The following SCD5 variants were observed in gnomAD, a reference collection of about 807,000 sequenced individuals.
The protein encoded by SCD5 is stearoyl-CoA desaturase 5.
SCD5 carries 20 observed loss-of-function variants against 30.4 expected under a neutral mutation model. The observed-to-expected ratio is 0.66, with a 90% CI of 0.46 to 0.96. The LOEUF is 0.96. Among genes scored for constraint, SCD5 ranks in the 40% least tolerant of loss-of-function variants. The pLI, the probability that SCD5 is intolerant of heterozygous loss-of-function variation, is 0.00. For synonymous variants in SCD5, 173 were observed against 176.4 expected (o/e 0.98, Z 0.16); for missense variants, 381 against 443.3 (o/e 0.86, Z 1.26).
At chr4:82,697,119 G>C (rs1719713123) in intron 2 of SCD5, among the ~76,000 whole-genome samples, 1 of 152,262 alleles carries the variant, frequency 6.6e-6, no homozygotes, top group Admixed American at 6.5e-5. Flanking sequence ...AGATCTTTAG[G>C]AAAAGAAGAC....
chr4:82,631,917 A>G (rs2148810652), intron 4 of SCD5, among the ~76,000 whole-genome samples: 1 of 152,340 alleles, frequency 6.6e-6, no homozygotes, highest in African/African-American at 2.4e-5. Context: ...AATGAGAATC[A>G]TTCAAATAGG....
At chr4:82,791,499 G>A (rs1722097821) in intron 1 of SCD5, among the ~76,000 whole-genome samples, 1 of 152,140 alleles carries the variant, frequency 6.6e-6, no homozygotes, top group Non-Finnish European at 1.5e-5. Context: ...TGGCTAGAGT[G>A]TCTCGCTCTC....
intron 1 of SCD5, among the ~76,000 whole-genome samples, chr4:82,779,154 T>C (rs535193358): frequency 6.6e-6 from 1 of 151,606 alleles, no homozygotes; most frequent in East Asian, 1.9e-4. Context: ...CGTGAGTCAC[T>C]GCGATCAGCT....
chr4:82,731,414 T>C (rs1238648963), intron 1 of SCD5, among the ~76,000 whole-genome samples: 2 of 152,214 alleles, frequency 1.3e-5, no homozygotes, highest in African/African-American at 4.8e-5. Flanking sequence ...AGGGTAACTT[T>C]CTCTGCAGCC....
chr4:82,706,829 T>C (rs887276991), intron 1 of SCD5, among the ~76,000 whole-genome samples: 1 of 152,258 alleles, frequency 6.6e-6, no homozygotes, highest in Non-Finnish European at 1.5e-5. Flanking sequence ...GCCTGCACAG[T>C]GTGTCCTAGT....
intron 3 of SCD5, among the ~76,000 whole-genome samples, chr4:82,655,175 G>A (rs758415116): frequency 2.0e-5 from 3 of 152,116 alleles, no homozygotes; most frequent in Non-Finnish European, 2.9e-5. Context: ...ATAAGCATGT[G>A]CCTTTTCTTC....
intron 2 of SCD5, 114 bp from the exon 3 acceptor site, chr4:82,681,026 CT>C: frequency 1.2e-6 from 1 of 825,178 alleles, no homozygotes; most frequent in Non-Finnish European, 1.9e-6. Context: ...TTTCACTTTC[CT>C]CCTGTCTTCA....
chr4:82,634,672 A>G (rs543707047), intron 4 of SCD5, among the ~76,000 whole-genome samples: 1 of 152,282 alleles, frequency 6.6e-6, no homozygotes, highest in Admixed American at 6.5e-5. Flanking sequence ...AGCTGGATAG[A>G]CTTATAACCA....
At chr4:82,696,335 G>C (rs1353925654) in intron 2 of SCD5, among the ~76,000 whole-genome samples, 1 of 152,180 alleles carries the variant, frequency 6.6e-6, no homozygotes, top group Non-Finnish European at 1.5e-5. Context: ...CGAGAGCGCT[G>C]GCTGGCATTA....
chr4:82,788,886 A>G (rs1722041384), intron 1 of SCD5, among the ~76,000 whole-genome samples: 1 of 152,254 alleles, frequency 6.6e-6, no homozygotes, highest in Admixed American at 6.5e-5. Context: ...ACAAGCCACC[A>G]TGGCAGAAAA....
chr4:82,757,903 T>C (rs896583918), intron 1 of SCD5, among the ~76,000 whole-genome samples: 3 of 152,190 alleles, frequency 2.0e-5, no homozygotes, highest in East Asian at 1.9e-4. Context: ...TCAAACACTT[T>C]TGCAGTGCAG....
At position 82,798,683 on chromosome 4, in the gene SCD5, C is replaced by A; in HGVS notation, c.-146G>T. On this transcript the variant is annotated 5_prime_UTR_variant, in exon 1 of 5. Coordinates refer to ENST00000319540, the MANE Select transcript of SCD5 (RefSeq NM_001037582.3). The stretch of plus-strand genomic sequence containing the variant: ...CCCTCCTTCCAGCCCTTCTCCCGGG[C>A]TCCTGCGCTCTTCCCCAGGGTCTTA... 1.4e-6 allele frequency: 1 copy of A among 690,010 alleles called. No individual in the cohort carries two copies. Among genetic ancestry groups the A allele is most frequent in the Non-Finnish European group, 2.4e-6 (1 of 424,190 alleles). The allele number at this position is 690,010 out of a possible 1,614,324, so 42.7% of individuals were successfully genotyped here.
At chr4:82,664,475 AAAGT>A (rs1270703941) in intron 3 of SCD5, among the ~76,000 whole-genome samples, 4 of 152,252 alleles carry the variant, frequency 2.6e-5, no homozygotes. Flanking sequence ...GTCCAGAGAT[AAAGT>A]AATTAATAGA....
At chr4:82,769,265 G>GA (rs1721564454) in intron 1 of SCD5, among the ~76,000 whole-genome samples, 1 of 152,160 alleles carries the variant, frequency 6.6e-6, no homozygotes, top group African/African-American at 2.4e-5. Context: ...TAACTATAAA[G>GA]TGGGGCTAGA....
intron 1 of SCD5, among the ~76,000 whole-genome samples, chr4:82,708,996 A>G (rs1213078236): frequency 1.3e-5 from 2 of 152,094 alleles, no homozygotes; most frequent in Non-Finnish European, 1.5e-5. Context: ...ACTCACCACA[A>G]GTGTAGGGGG....
At chr4:82,763,601 A>G (rs542997953) in intron 1 of SCD5, among the ~76,000 whole-genome samples, 4 of 152,264 alleles carry the variant, frequency 2.6e-5, no homozygotes, top group Middle Eastern at 3.4e-3. Context: ...GGACACCCAG[A>G]GAAAATGTGG....
At chr4:82,669,367 G>A (rs1578013720) in intron 3 of SCD5, among the ~76,000 whole-genome samples, 1 of 150,796 alleles carries the variant, frequency 6.6e-6, no homozygotes, top group East Asian at 1.9e-4. Context: ...GAGCTCAGAA[G>A]TTGCCACTCA....
At chr4:82,798,023 C>A (rs1346107389) in intron 1 of SCD5, among the ~76,000 whole-genome samples, 2 of 151,670 alleles carry the variant, frequency 1.3e-5, no homozygotes, top group African/African-American at 4.9e-5. Flanking sequence ...CCGGGTCCCC[C>A]CCGGCTCTCC....
chr4:82,727,345 C>G (rs546760842), intron 1 of SCD5, among the ~76,000 whole-genome samples: 1 of 152,140 alleles, frequency 6.6e-6, no homozygotes, highest in Non-Finnish European at 1.5e-5. Context: ...AAGGTGTGTA[C>G]CCTGGTCTAC....
Sources: allele counts gnomAD v4.1 joint callset (sites outside exome capture counted in the v4.1 genomes callset), GRCh38; gene constraint gnomAD v4.1.1; transcripts MANE v1.5; gene names NCBI Gene and HGNC (gene_info 2026-07-23, HGNC 2026-07-21).